Variants in LAMTOR3 observed in about 807,000 individuals in gnomAD.
LAMTOR3 encodes the protein late endosomal/lysosomal adaptor, MAPK and MTOR activator 3.
A neutral mutation model predicts 20.3 loss-of-function variants in LAMTOR3; 14 were observed. The observed-to-expected ratio is 0.69, with a 90% CI of 0.46 to 1.08. The LOEUF (loss-of-function observed/expected upper bound fraction) is 1.08, where lower values mean the gene tolerates loss of function less well. LAMTOR3 is among the 50% of genes least tolerant of loss of function. The pLI, the probability that LAMTOR3 is intolerant of heterozygous loss-of-function variation, is 0.00. For missense variants in LAMTOR3, 125 were observed against 143.7 expected, an observed-to-expected ratio of 0.87 and a Z score of 0.67; for synonymous variants, 40 against 49.4, an observed-to-expected ratio of 0.81 and a Z score of 0.80.
At chr4:99,884,187 G>A in intron 5 of LAMTOR3, 62 bp from the exon 6 acceptor site, 2 of 1,255,978 alleles carry the variant, frequency 1.6e-6, no homozygotes. Context: ...TAACTAAACT[G>A]AAATGTCTTA....
At chr4:99,891,709 T>A (rs556353198) in intron 3 of LAMTOR3, among the ~76,000 whole-genome samples, 1 of 152,160 alleles carries the variant, frequency 6.6e-6, no homozygotes, top group East Asian at 1.9e-4. Context: ...CAAATAGAAA[T>A]GCTGAATTTC....
intron 2 of LAMTOR3, among the ~76,000 whole-genome samples, chr4:99,893,400 T>A (rs1030861089): frequency 6.6e-6 from 1 of 152,196 alleles, no homozygotes; most frequent in Admixed American, 6.5e-5. Flanking sequence ...TCACATGGAT[T>A]AATCAGGTAT....
At position 99,891,993 on chromosome 4, in the gene LAMTOR3, T is replaced by G; in HGVS notation, c.44+7A>C. 1 of 1,567,130 alleles carries G rather than the reference T, an allele frequency of 6.4e-7. No homozygotes were observed. Among genetic ancestry groups the G allele is most frequent in the Non-Finnish European group, 8.6e-7 (1 of 1,163,888 alleles). ...ATTTATTCAATAACAAATTAAAAAT[T>G]TCTTACCTTGGTAACTTTTTATACA... On this transcript the variant is annotated splice_region_variant and intron_variant, in intron 3 of 6. Coordinates refer to ENST00000499666, the MANE Select transcript of LAMTOR3 (RefSeq NM_021970.4).
Position 99,885,681 on chromosome 4 carries a change from A to C in LAMTOR3, c.104-6T>G, listed in dbSNP as rs770680589. 2 of 1,609,064 alleles carry C rather than the reference A, an allele frequency of 1.2e-6. No homozygotes were observed. The highest frequency in any genetic ancestry group is 1.7e-6 in the Non-Finnish European group (2 of 1,177,716). On this transcript the variant is annotated splice_region_variant and splice_polypyrimidine_tract_variant and intron_variant, in intron 4 of 6. Transcript: ENST00000499666. ...TGGAGCATTGTCATTTGCCACTAGA[A>C]AAATAAGTGATTTAAATAAAAATTA...
intron 2 of LAMTOR3, among the ~76,000 whole-genome samples, chr4:99,893,030 C>T (rs1227284068): frequency 6.6e-6 from 1 of 152,008 alleles, no homozygotes; most frequent in Admixed American, 6.5e-5. Flanking sequence ...GTGTTTAACA[C>T]GAAACACAGT....
chr4:99,886,374 C>CGACTTTG (rs1394229562), intron 4 of LAMTOR3, among the ~76,000 whole-genome samples: 6 of 152,268 alleles, frequency 3.9e-5, no homozygotes, highest in Non-Finnish European at 8.8e-5. Context: ...GACTCATGTC[C>CGACTTTG]GACTTTGGAC....
intron 3 of LAMTOR3, among the ~76,000 whole-genome samples, chr4:99,888,798 A>T (rs1360816512): frequency 6.6e-6 from 1 of 152,232 alleles, no homozygotes; most frequent in Non-Finnish European, 1.5e-5. Context: ...TAAAAATAAG[A>T]ATAAAATAAC....
chr4:99,884,152 T>C lies in LAMTOR3; in HGVS notation c.238-27A>G, dbSNP rs781635220. ...TAAAAAGAAAATAAGAGCCAAATAATATGTTGCATTATGAAAAGGTAGTAT... is the reference window on the plus strand; with the variant it reads ...TAAAAAGAAAATAAGAGCCAAATAACATGTTGCATTATGAAAAGGTAGTAT... On this transcript the variant is annotated intron_variant, in intron 5 of 6. Transcript: ENST00000499666. 8 of 1,530,254 alleles carry C rather than the reference T, an allele frequency of 5.2e-6. No homozygotes were observed. The East Asian group carries it at 1.4e-4, about 26-fold the overall frequency. 94.8% of individuals were successfully genotyped at this position (1,530,254 alleles called of 1,614,324 possible).
chr4:99,892,100 C>A, intron 2 of LAMTOR3, 66 bp from the exon 3 acceptor site: 1 of 1,485,238 alleles, frequency 6.7e-7, no homozygotes, highest in Non-Finnish European at 8.9e-7. Flanking sequence ...AGATCCTGTC[C>A]TATCCAAATT....
At chr4:99,885,208 G>A (rs185024649) in intron 5 of LAMTOR3, among the ~76,000 whole-genome samples, 5 of 151,976 alleles carry the variant, frequency 3.3e-5, no homozygotes, top group African/African-American at 1.2e-4. Flanking sequence ...TTTTTTATCT[G>A]TTACTACAAC....
chr4:99,883,322 AAAAC>A (rs1473176721), intron 6 of LAMTOR3, among the ~76,000 whole-genome samples: 2 of 152,046 alleles, frequency 1.3e-5, no homozygotes, highest in Non-Finnish European at 2.9e-5. Flanking sequence ...TTTGGAAGAA[AAAAC>A]AAATAGAAAA....
rs556095188 is a variant in LAMTOR3, at chr4:99,889,208, C to A, written c.45-1854G>T. On this transcript the variant is annotated intron_variant, in intron 3 of 6. Coordinates refer to ENST00000499666, the MANE Select transcript of LAMTOR3 (RefSeq NM_021970.4). ...CGAGAGTCTGTCTCAACAACAACAA[C>A]AAAAAGATTAATACATAAAATAAAT... Among the ~76,000 whole-genome samples the A allele has an allele frequency of 3.5e-5, 5 of 141,736 alleles. No homozygotes were observed. The South Asian group carries it at 8.8e-4, about 25-fold the overall frequency. The allele number at this position is 141,736 out of a possible 152,430, so 93.0% of individuals were successfully genotyped here. A position where few individuals can be genotyped will look rare whatever the true frequency, so the allele number is the denominator to read the frequency against.
intron 3 of LAMTOR3, among the ~76,000 whole-genome samples, chr4:99,890,627 T>C (rs1391856015): frequency 1.3e-5 from 2 of 152,032 alleles, no homozygotes; most frequent in African/African-American, 4.8e-5. Flanking sequence ...TTTTTCATTA[T>C]TAAAAAAAAA....
chr4:99,887,692 T>C lies in LAMTOR3; in HGVS notation c.45-338A>G, dbSNP rs182390209. 2.4e-3 allele frequency among the ~76,000 whole-genome samples: 368 copies of C among 152,368 alleles called. 1 individual carries two copies. The highest frequency in any genetic ancestry group is 5.0e-3 in the Admixed American group (77 of 15,306). On this transcript the variant is annotated intron_variant, in intron 3 of 6. Transcript: ENST00000499666. ...CTATAGTGACAAAAAACAGCCTTTT[T>C]CCTTTTTCATTCATGCAAATATTAA...
chr4:99,890,962 A>G (rs544359438), intron 3 of LAMTOR3, among the ~76,000 whole-genome samples: 1 of 152,204 alleles, frequency 6.6e-6, no homozygotes, highest in South Asian at 2.1e-4. Flanking sequence ...TGAGATCCCC[A>G]TTGTCTGAAA....
chr4:99,882,024 T>C lies in LAMTOR3; in HGVS notation c.345A>G (p.Glu115=). Residue 115 remains glutamate, a synonymous_variant, in exon 7 of 7, where the codon GAA becomes GAG. Transcript: ENST00000499666. ...SLEKELAPLF[E]ELRQVVEVS ...AAACTTCCACAACTTGTCTCAGTTC[T>C]TCAAACAATGGAGCAAGTTCCTTTT... 1 of 1,601,660 alleles carries C rather than the reference T, an allele frequency of 6.2e-7. No individual in the cohort carries two copies. Among genetic ancestry groups the C allele is most frequent in the Non-Finnish European group, 8.5e-7 (1 of 1,175,626 alleles).
At position 99,878,612 on chromosome 4, in the gene LAMTOR3, CT is replaced by C. The variant is rs754927098; in HGVS notation, c.*3381del. 1 of 152,076 alleles carries C rather than the reference CT, an allele frequency of 6.6e-6. No individual in the cohort carries two copies. Among genetic ancestry groups the C allele is most frequent in the Non-Finnish European group, 1.5e-5 (1 of 68,002 alleles). The allele number at this position is 152,076 out of a possible 1,614,324, so 9.4% of individuals were successfully genotyped here. A position where few individuals can be genotyped will look rare whatever the true frequency, so the allele number is the denominator to read the frequency against. On this transcript the variant is annotated 3_prime_UTR_variant, in exon 7 of 7. Transcript: ENST00000499666. The stretch of plus-strand genomic sequence containing the variant: ...AAATAGGAATACATACACATTTTTT[CT>C]TCTTATACATCAATTGTAGCATGCC...
rs750862405 is a variant in LAMTOR3 at position 99,885,628 on chromosome 4, A to G, written c.151T>C (p.Ser51Pro). 7 of 1,613,398 alleles carry G rather than the reference A, an allele frequency of 4.3e-6. No individual in the cohort carries two copies. The African/African-American group carries it at 5.3e-5, about 12-fold the overall frequency. The change falls in exon 5 of 7, where the codon TCC becomes CCC. Residue 51 changes from serine to proline, a missense_variant. Transcript: ENST00000499666. ...TGGTCTGTTGCAAGGGCAAAAGTGGATAAGAAACCAGGTCGCAAAGCATGC... is the reference window on the plus strand; with the variant it reads ...TGGTCTGTTGCAAGGGCAAAAGTGGGTAAGAAACCAGGTCGCAAAGCATGC... ...PEHALRPGFL[S>P]TFALATDQGS...
In LAMTOR3 at chr4:99,880,885, A is replaced by C. The variant is rs1239247839; in HGVS notation, c.*1109T>G. 1.3e-5 allele frequency: 2 copies of C among 152,206 alleles called. No homozygotes were observed. The highest frequency in any genetic ancestry group is 6.6e-5 in the Admixed American group (1 of 15,264). The allele number at this position is 152,206 out of a possible 1,614,324, so 9.4% of individuals were successfully genotyped here. The stretch of plus-strand genomic sequence containing the variant: ...ATGATAGACTGCATTCCTGAACATA[A>C]AGGGTATATTCTAGAACTGTAGTAC... On this transcript the variant is annotated 3_prime_UTR_variant, in exon 7 of 7. Transcript: ENST00000499666.
Sources: allele counts gnomAD v4.1 joint callset (sites outside exome capture counted in the v4.1 genomes callset), GRCh38; gene constraint gnomAD v4.1.1; transcripts MANE v1.5; gene names NCBI Gene and HGNC (gene_info 2026-07-23, HGNC 2026-07-21).